Variants in GALNT13 observed in about 807,000 individuals in gnomAD.
GALNT13 encodes the protein polypeptide N-acetylgalactosaminyltransferase 13.
Under a neutral mutation model 64.2 loss-of-function variants are expected in GALNT13, and 28 were observed. The ratio of observed to expected loss-of-function variants is 0.44; its 90% CI spans 0.32 to 0.60. The LOEUF (loss-of-function observed/expected upper bound fraction) is 0.60, where lower values mean the gene tolerates loss of function less well. Among genes scored for constraint, GALNT13 ranks in the 20% least tolerant of loss-of-function variants. GALNT13 has a pLI of 0.05. For synonymous variants in GALNT13, 214 were observed against 224.6 expected, an observed-to-expected ratio of 0.95 and a Z score of 0.42; for missense variants, 577 against 669.8, an observed-to-expected ratio of 0.86 and a Z score of 1.53.
At chr2:153,500,107 T>C in the GALNT13 span, among the ~76,000 whole-genome samples, 1 of 152,134 alleles carries the variant, frequency 6.6e-6, no homozygotes, top group Non-Finnish European at 1.5e-5. Flanking sequence ...TACATCTAAC[T>C]GTCATTAAGA....
the GALNT13 span, among the ~76,000 whole-genome samples, chr2:153,434,655 G>A: frequency 6.6e-6 from 1 of 152,076 alleles, no homozygotes; most frequent in Admixed American, 6.6e-5. Flanking sequence ...CGTATACTTT[G>A]CCCACTTTTT....
the GALNT13 span, among the ~76,000 whole-genome samples, chr2:153,330,014 C>T: frequency 6.6e-6 from 1 of 152,208 alleles, no homozygotes; most frequent in African/African-American, 2.4e-5. Context: ...GCTATCCCAG[C>T]ACCATTTATT....
the GALNT13 span, among the ~76,000 whole-genome samples, chr2:153,465,914 A>G: frequency 2.0e-5 from 3 of 152,030 alleles, no homozygotes; most frequent in African/African-American, 4.8e-5. Flanking sequence ...GTAACGGCCA[A>G]AATCTCCTAA....
intron 9 of GALNT13, among the ~76,000 whole-genome samples, chr2:154,350,970 T>A (rs1416211775): frequency 6.6e-6 from 1 of 152,116 alleles, no homozygotes; most frequent in Non-Finnish European, 1.5e-5. Context: ...GTAAACAGTT[T>A]GATGTTGATG....
At chr2:153,608,956 G>A in the GALNT13 span, among the ~76,000 whole-genome samples, 3 of 122,202 alleles carry the variant, frequency 2.5e-5, no homozygotes, top group African/African-American at 9.5e-5. Context: ...TTGCTCTGTT[G>A]CCCAGGCTAG....
At chr2:154,352,501 A>G (rs1574140739) in intron 9 of GALNT13, among the ~76,000 whole-genome samples, 1 of 152,218 alleles carries the variant, frequency 6.6e-6, no homozygotes, top group African/African-American at 2.4e-5. Flanking sequence ...CTCACAGCCA[A>G]TGAGGTAGGT....
the GALNT13 span, among the ~76,000 whole-genome samples, chr2:153,799,773 T>G: frequency 6.6e-6 from 1 of 152,142 alleles, no homozygotes; most frequent in Non-Finnish European, 1.5e-5. Flanking sequence ...AGCCTCTAAG[T>G]GCTACCAGTC....
At chr2:153,116,794 CTTTTT>C in the GALNT13 span, among the ~76,000 whole-genome samples, 4 of 82,466 alleles carry the variant, frequency 4.9e-5, no homozygotes, top group African/African-American at 1.7e-4. Context: ...GTGTTGTCTT[CTTTTT>C]TTTTTTTTTT....
the GALNT13 span, among the ~76,000 whole-genome samples, chr2:153,560,617 T>G: frequency 5.3e-5 from 8 of 152,104 alleles, no homozygotes; most frequent in Non-Finnish European, 8.8e-5. Flanking sequence ...AGATGACACT[T>G]TTATCATGAC....
intron 4 of GALNT13, among the ~76,000 whole-genome samples, chr2:154,155,471 A>G (rs1684353586): frequency 6.6e-6 from 1 of 152,052 alleles, no homozygotes; most frequent in Admixed American, 6.6e-5. Context: ...ATTACTTCTC[A>G]CTATTTTTTG....
At chr2:154,118,311 A>G (rs1393361657) in intron 3 of GALNT13, among the ~76,000 whole-genome samples, 1 of 121,470 alleles carries the variant, frequency 8.2e-6, no homozygotes, top group African/African-American at 3.5e-5. Context: ...TTTTTTACTT[A>G]AAGTCTATTT....
chr2:153,869,704 C>T (rs1290533775), upstream of GALNT13, among the ~76,000 whole-genome samples: 1 of 151,956 alleles, frequency 6.6e-6, no homozygotes, highest in Non-Finnish European at 1.5e-5. Context: ...ATTTATTATT[C>T]GTTTGTAATT....
At chr2:154,444,079 C>T (rs1370581356) in intron 12 of GALNT13, among the ~76,000 whole-genome samples, 1 of 152,024 alleles carries the variant, frequency 6.6e-6, no homozygotes, top group African/African-American at 2.4e-5. Context: ...GTGGCATGGG[C>T]CTGTAGTACC....
intron 4 of GALNT13, among the ~76,000 whole-genome samples, chr2:154,211,104 C>T (rs1687734118): frequency 6.6e-6 from 1 of 151,980 alleles, no homozygotes; most frequent in African/African-American, 2.4e-5. Flanking sequence ...TGTGAGTTTT[C>T]AACATCTACA....
intron 8 of GALNT13, among the ~76,000 whole-genome samples, chr2:154,273,748 T>G (rs922609053): frequency 6.6e-6 from 1 of 152,162 alleles, no homozygotes; most frequent in African/African-American, 2.4e-5. Context: ...TCTGTAATGT[T>G]CACATGATAA....
At chr2:154,081,028 G>A (rs1252609366) in intron 3 of GALNT13, among the ~76,000 whole-genome samples, 1 of 151,356 alleles carries the variant, frequency 6.6e-6, no homozygotes, top group Admixed American at 6.6e-5. Flanking sequence ...TGTGGTTGCT[G>A]TGCATCCAAG....
At chr2:154,291,280 C>G (rs1248503156) in intron 8 of GALNT13, among the ~76,000 whole-genome samples, 2 of 152,132 alleles carry the variant, frequency 1.3e-5, no homozygotes, top group Non-Finnish European at 2.9e-5. Flanking sequence ...CAAAATTTCT[C>G]CAAGTCCCCA....
At chr2:153,478,431 GCCTC>G in the GALNT13 span, 5 of 1,613,980 alleles carry the variant, frequency 3.1e-6, no homozygotes, top group Admixed American at 3.3e-5. Flanking sequence ...GCTCGTCCGG[GCCTC>G]CCTCCGCGAA....
At chr2:153,284,705 C>T in the GALNT13 span, among the ~76,000 whole-genome samples, 2 of 152,118 alleles carry the variant, frequency 1.3e-5, no homozygotes, top group Non-Finnish European at 2.9e-5. Flanking sequence ...TCACTTTTAT[C>T]AGCTGGGTGC....
Sources: allele counts gnomAD v4.1 joint callset (sites outside exome capture counted in the v4.1 genomes callset), GRCh38; gene constraint gnomAD v4.1.1; transcripts MANE v1.5; gene names NCBI Gene and HGNC (gene_info 2026-07-23, HGNC 2026-07-21).